Variants in UTRN observed in about 807,000 individuals in gnomAD.
The protein encoded by UTRN is utrophin.
UTRN carries 283 observed loss-of-function variants against 463.9 expected under a neutral mutation model. The observed-to-expected ratio is 0.61, with a 90% CI of 0.55 to 0.67. The LOEUF (loss-of-function observed/expected upper bound fraction) is 0.67, where lower values mean the gene tolerates loss of function less well. Ranked by LOEUF, UTRN falls within the 30% of genes least tolerant of loss-of-function variation. UTRN has a pLI of 0.00. For missense variants in UTRN, 3,922 were observed against 4,084.3 expected (o/e 0.96, Z 1.08); for synonymous variants, 1,442 against 1,431.5 (o/e 1.01, Z -0.17).
chr6:144,298,771 A>G (rs888076459), intron 2 of UTRN, among the ~76,000 whole-genome samples: 1 of 152,194 alleles, frequency 6.6e-6, no homozygotes, highest in Non-Finnish European at 1.5e-5. Flanking sequence ...GTGTAGAGAA[A>G]AGCATATAAG....
intron 3 of UTRN, among the ~76,000 whole-genome samples, chr6:144,412,022 C>T (rs1264271138): frequency 1.3e-5 from 2 of 152,144 alleles, no homozygotes; most frequent in Non-Finnish European, 2.9e-5. Flanking sequence ...TTTCAGTCTT[C>T]TCTGTGGAAA....
chr6:144,841,097 AAAT>A (rs1394885187), intron 73 of UTRN, among the ~76,000 whole-genome samples: 4 of 152,214 alleles, frequency 2.6e-5, no homozygotes, highest in African/African-American at 9.6e-5. Context: ...AAAGCAAATA[AAAT>A]AATAAGTCTG....
At chr6:144,383,653 A>G (rs1434691495) in intron 2 of UTRN, among the ~76,000 whole-genome samples, 1 of 152,236 alleles carries the variant, frequency 6.6e-6, no homozygotes, top group African/African-American at 2.4e-5. Context: ...GTTGCAAGGC[A>G]AGGTGAATAT....
intron 33 of UTRN, among the ~76,000 whole-genome samples, chr6:144,493,715 A>G (rs576004387): frequency 2.2e-4 from 34 of 152,182 alleles, no homozygotes; most frequent in Non-Finnish European, 4.4e-4. Flanking sequence ...CACGCCTGTA[A>G]TCCCAGGTCT....
intron 2 of UTRN, among the ~76,000 whole-genome samples, chr6:144,371,376 A>T (rs1269560964): frequency 6.6e-6 from 1 of 152,144 alleles, no homozygotes; most frequent in Non-Finnish European, 1.5e-5. Context: ...CAGACATACT[A>T]AAGTTCTTTG....
chr6:144,671,620 TC>T (rs1781042657), intron 51 of UTRN, among the ~76,000 whole-genome samples: 1 of 152,134 alleles, frequency 6.6e-6, no homozygotes, highest in Non-Finnish European at 1.5e-5. Context: ...CAGTTTGACT[TC>T]CTTTTTACAG....
chr6:144,519,844 G>A (rs150267790), intron 39 of UTRN, among the ~76,000 whole-genome samples: 12 of 152,250 alleles, frequency 7.9e-5, no homozygotes, highest in Non-Finnish European at 1.3e-4. Context: ...TCAGGTACAC[G>A]TGGTCTTGCA....
At chr6:144,756,501 G>A (rs1262796483) in intron 57 of UTRN, among the ~76,000 whole-genome samples, 4 of 152,112 alleles carry the variant, frequency 2.6e-5, no homozygotes, top group Non-Finnish European at 2.9e-5. Flanking sequence ...TGTAAACAAA[G>A]TCCCAATTAA....
At chr6:144,382,974 C>G (rs374154124) in intron 2 of UTRN, among the ~76,000 whole-genome samples, 2 of 152,158 alleles carry the variant, frequency 1.3e-5, no homozygotes, top group African/African-American at 4.8e-5. Flanking sequence ...CTCTGTCTCC[C>G]AGGCTAAAGT....
chr6:144,630,749 C>A (rs1303812592), intron 51 of UTRN, among the ~76,000 whole-genome samples: 3 of 152,008 alleles, frequency 2.0e-5, no homozygotes, highest in Non-Finnish European at 4.4e-5. Flanking sequence ...CTCTGCATAC[C>A]ATTAATATGT....
At chr6:144,505,999 A>G (rs1211092747) in intron 34 of UTRN, among the ~76,000 whole-genome samples, 1 of 151,562 alleles carries the variant, frequency 6.6e-6, no homozygotes, top group East Asian at 1.9e-4. Context: ...TCCCTTTACC[A>G]TTCTGTTATG....
chr6:144,517,155 CTTTT>C (rs1207680900), intron 39 of UTRN, among the ~76,000 whole-genome samples: 6 of 151,838 alleles, frequency 4.0e-5, no homozygotes, highest in Non-Finnish European at 7.4e-5. Context: ...TTGGCCATCT[CTTTT>C]GGATTTCTGA....
chr6:144,827,352 A>C lies in UTRN; in HGVS notation c.9499A>C (p.Ile3167Leu). 1 of 1,613,412 alleles carries C rather than the reference A, an allele frequency of 6.2e-7. No homozygotes were observed. Residue 3167 changes from isoleucine to leucine, a missense_variant, in exon 67 of 75, where the codon ATC becomes CTC. Physicochemically the swap from Ile to Leu is conservative, Grantham distance 5. Coordinates refer to ENST00000367545, the MANE Select transcript of UTRN (RefSeq NM_007124.3). ...CTCCCTCTCCCCTCTTTGCAGTCCT[A>C]TCACACTCATCAGTATGTGGCCAGA... ...VLEGDNLETP[I>L]TLISMWPEHY... is the part of the protein sequence containing the mutation.
intron 3 of UTRN, among the ~76,000 whole-genome samples, chr6:144,418,303 T>C (rs900208544): frequency 2.0e-5 from 3 of 150,130 alleles, no homozygotes; most frequent in African/African-American, 7.3e-5. Context: ...AAGCTCTGCC[T>C]CCCAGGTTCA....
chr6:144,849,629 T>C (rs1433738253), intron 74 of UTRN, among the ~76,000 whole-genome samples: 1 of 152,182 alleles, frequency 6.6e-6, no homozygotes, highest in Non-Finnish European at 1.5e-5. Context: ...CTTCATTTTT[T>C]CATGTCTTGG....
intron 58 of UTRN, among the ~76,000 whole-genome samples, chr6:144,763,956 C>A (rs1792989540): frequency 6.6e-6 from 1 of 152,126 alleles, no homozygotes; most frequent in South Asian, 2.1e-4. Context: ...AACTCTTGGG[C>A]CGCACTTTGA....
rs2128706278 is a variant in UTRN, at chr6:144,716,216, G to C, written c.7810-14141G>C. On this transcript the variant is annotated intron_variant, in intron 53 of 74. Transcript: ENST00000367545. Reference sequence around the variant, plus strand: ...ATGAATTGGCATACCTTTAATTGTTGAGATAGCTTTTAAAATATAGCTTTT... The same window carrying C: ...ATGAATTGGCATACCTTTAATTGTTCAGATAGCTTTTAAAATATAGCTTTT... 2.0e-5 allele frequency among the ~76,000 whole-genome samples: 3 copies of C among 151,494 alleles called. No homozygotes were observed. In the South Asian group the frequency reaches 6.3e-4, roughly 32 times the overall value.
intron 2 of UTRN, among the ~76,000 whole-genome samples, chr6:144,316,553 A>G (rs1406067612): frequency 6.6e-6 from 1 of 152,246 alleles, no homozygotes; most frequent in African/African-American, 2.4e-5. Context: ...GTATCTGGAT[A>G]TACATTAACT....
intron 41 of UTRN, among the ~76,000 whole-genome samples, chr6:144,523,729 G>T (rs1448044063): frequency 2.0e-5 from 3 of 152,114 alleles, no homozygotes; most frequent in Non-Finnish European, 4.4e-5. Flanking sequence ...CTAATTTTTA[G>T]TGTCTAAATA....
Sources: allele counts gnomAD v4.1 joint callset (sites outside exome capture counted in the v4.1 genomes callset), GRCh38; gene constraint gnomAD v4.1.1; transcripts MANE v1.5; gene names NCBI Gene and HGNC (gene_info 2026-07-23, HGNC 2026-07-21).